The following SLC39A11 variants were observed in gnomAD, a reference collection of about 807,000 sequenced individuals.
SLC39A11 encodes the protein zinc transporter ZIP11.
A neutral mutation model predicts 36.1 loss-of-function variants in SLC39A11; 33 were observed. The ratio of observed to expected loss-of-function variants is 0.91; its 90% CI spans 0.69 to 1.22. SLC39A11 has a LOEUF of 1.22. Among genes scored for constraint, SLC39A11 ranks in the 50% most tolerant of loss-of-function variants. The pLI, the probability that SLC39A11 is intolerant of heterozygous loss-of-function variation, is 0.00. For missense variants in SLC39A11, 432 were observed against 430.3 expected (o/e 1.00, Z -0.03); for synonymous variants, 166 against 170.3 (o/e 0.97, Z 0.20).
chr17:73,003,560 G>A (rs772765805), intron 4 of SLC39A11, among the ~76,000 whole-genome samples: 4 of 152,094 alleles, frequency 2.6e-5, no homozygotes, highest in Admixed American at 6.6e-5. Context: ...ACAAGACCCC[G>A]GGCTGAACAC....
intron 3 of SLC39A11, among the ~76,000 whole-genome samples, chr17:73,038,972 C>T (rs1170640893): frequency 3.9e-5 from 6 of 152,092 alleles, no homozygotes; most frequent in Admixed American, 1.3e-4. Context: ...GCCCCTTCTT[C>T]CGAACACCCT....
intron 4 of SLC39A11, among the ~76,000 whole-genome samples, chr17:73,022,264 C>T (rs908764544): frequency 6.6e-6 from 1 of 152,210 alleles, no homozygotes; most frequent in Non-Finnish European, 1.5e-5. Flanking sequence ...CACTTGCAGG[C>T]ATCCACAGAA....
chr17:72,694,523 G>T (rs2072196044), intron 7 of SLC39A11, among the ~76,000 whole-genome samples: 1 of 152,220 alleles, frequency 6.6e-6, no homozygotes, highest in Non-Finnish European at 1.5e-5. Flanking sequence ...GCTCTGTGGG[G>T]CTCCCCTCCA....
At chr17:72,664,093 C>T (rs974590147) in intron 7 of SLC39A11, 21 of 160,704 alleles carry the variant, frequency 1.3e-4, no homozygotes, top group East Asian at 5.8e-4. Flanking sequence ...CCAGATCAGC[C>T]GAATCAACCC....
At chr17:72,822,602 T>C (rs1390718290) in intron 6 of SLC39A11, among the ~76,000 whole-genome samples, 1 of 151,208 alleles carries the variant, frequency 6.6e-6, no homozygotes, top group Non-Finnish European at 1.5e-5. Context: ...CCACACTCTA[T>C]GCCCCTGGTC....
intron 7 of SLC39A11, among the ~76,000 whole-genome samples, chr17:72,702,365 G>A (rs2072688653): frequency 6.6e-6 from 1 of 152,116 alleles, no homozygotes; most frequent in South Asian, 2.1e-4. Context: ...TGGACCCCTA[G>A]GGAACAGTGG....
At chr17:72,831,034 G>A (rs1567784741) in intron 6 of SLC39A11, among the ~76,000 whole-genome samples, 1 of 152,104 alleles carries the variant, frequency 6.6e-6, no homozygotes, top group Non-Finnish European at 1.5e-5. Context: ...GGAGCCTGGA[G>A]GAAAGTGTTT....
At chr17:73,061,538 T>C (rs2059839737) in intron 3 of SLC39A11, among the ~76,000 whole-genome samples, 1 of 152,200 alleles carries the variant, frequency 6.6e-6, no homozygotes, top group Admixed American at 6.5e-5. Flanking sequence ...TTTATCCAAG[T>C]CAAATCACCT....
intron 3 of SLC39A11, among the ~76,000 whole-genome samples, chr17:73,061,920 C>G (rs1199554592): frequency 6.6e-6 from 1 of 151,980 alleles, no homozygotes; most frequent in East Asian, 1.9e-4. Context: ...CACTTGAGAC[C>G]AAGAGGTCAA....
intron 3 of SLC39A11, among the ~76,000 whole-genome samples, chr17:73,047,991 ATATATAT>A (rs1321661819): frequency 2.0e-3 from 72 of 35,964 alleles, no homozygotes; most frequent in East Asian, 4.5e-3. Context: ...AAAAAAAAAA[ATATATAT>A]ATATATATAT....
At chr17:72,766,181 G>A (rs1453376191) in intron 6 of SLC39A11, among the ~76,000 whole-genome samples, 1 of 152,196 alleles carries the variant, frequency 6.6e-6, no homozygotes, top group African/African-American at 2.4e-5. Flanking sequence ...ACAAGGTGGA[G>A]GTGAGGATGG....
chr17:72,972,719 T>G (rs763892339), intron 4 of SLC39A11, among the ~76,000 whole-genome samples: 56 of 152,252 alleles, frequency 3.7e-4, no homozygotes, highest in Middle Eastern at 6.8e-3. Flanking sequence ...CTTCCCAGAC[T>G]GTAGCAACCA....
At position 72,934,116 on chromosome 17, in the gene SLC39A11, T is replaced by C. The variant is rs113205552; in HGVS notation, c.430+13636A>G. Among the ~76,000 whole-genome samples the C allele has an allele frequency of 6.5e-3, 983 of 150,098 alleles. 9 individuals carry two copies. Among genetic ancestry groups the C allele is most frequent in the African/African-American group, 0.023 (928 of 40,858 alleles). ...AGATAGTAGACTTAAATGTAAAACG[T>C]AAAACTTTTAGAAAAAAAAAATAGG... On this transcript the variant is annotated intron_variant, in intron 5 of 9. Transcript: ENST00000255559.
intron 3 of SLC39A11, 50 bp downstream of exon 3, chr17:73,084,758 T>C (rs1406439131): frequency 6.2e-7 from 1 of 1,600,334 alleles, no homozygotes; most frequent in African/African-American, 1.3e-5. Flanking sequence ...CAGACACATG[T>C]CAGAATCAGT....
At chr17:72,953,431 T>C (rs1330950383) in intron 4 of SLC39A11, among the ~76,000 whole-genome samples, 1 of 152,082 alleles carries the variant, frequency 6.6e-6, no homozygotes, top group Non-Finnish European at 1.5e-5. Flanking sequence ...TTGCCTTACA[T>C]TAAACCAAAA....
intron 4 of SLC39A11, among the ~76,000 whole-genome samples, chr17:73,014,980 T>C (rs1173733982): frequency 6.6e-6 from 1 of 152,190 alleles, no homozygotes; most frequent in Non-Finnish European, 1.5e-5. Flanking sequence ...CTCAGGTACC[T>C]CACTGTCAAC....
intron 4 of SLC39A11, among the ~76,000 whole-genome samples, chr17:73,025,582 CA>C (rs1338694403): frequency 6.6e-6 from 1 of 152,114 alleles, no homozygotes; most frequent in Non-Finnish European, 1.5e-5. Context: ...AAAATCATTT[CA>C]AATTTAAAAA....
At chr17:72,893,118 A>G (rs960639237) in intron 5 of SLC39A11, among the ~76,000 whole-genome samples, 4 of 152,152 alleles carry the variant, frequency 2.6e-5, no homozygotes, top group African/African-American at 9.7e-5. Flanking sequence ...TTCCCTCCAA[A>G]AAGAAAAGAA....
chr17:72,757,408 T>C (rs1356581300), intron 6 of SLC39A11, among the ~76,000 whole-genome samples: 1 of 152,126 alleles, frequency 6.6e-6, no homozygotes, highest in Non-Finnish European at 1.5e-5. Flanking sequence ...CTCCCAGTTA[T>C]TTCCTGGTGG....
Sources: gnomAD v4.1 joint callset for allele counts (sites outside exome capture counted in the v4.1 genomes callset) on GRCh38, gnomAD v4.1.1 for gene constraint, MANE v1.5 for transcripts, NCBI Gene and HGNC (gene_info 2026-07-23, HGNC 2026-07-21) for gene names.